CACNB2: variants seen among roughly 807,000 people sequenced by gnomAD.
CACNB2 encodes calcium voltage-gated channel auxiliary subunit beta 2.
In CACNB2, 42 loss-of-function variants were observed where a neutral mutation model predicts 73.3. That is an observed-to-expected ratio of 0.57 (90% CI 0.45 to 0.74). The LOEUF is 0.74. Among genes scored for constraint, CACNB2 ranks in the 30% least tolerant of loss-of-function variants. The pLI, the probability that CACNB2 is intolerant of heterozygous loss-of-function variation, is 0.00. For synonymous variants in CACNB2, 348 were observed against 310.3 expected, an observed-to-expected ratio of 1.12 and a Z score of -1.28; for missense variants, 940 against 853.0, an observed-to-expected ratio of 1.10 and a Z score of -1.27.
chr10:18,217,366 C>A (rs1384860705), intron 2 of CACNB2, among the ~76,000 whole-genome samples: 1 of 152,028 alleles, frequency 6.6e-6, no homozygotes, highest in South Asian at 2.1e-4. Context: ...CGCCTATAGA[C>A]CCAGTAACTC....
chr10:18,183,115 T>C (rs897267615), intron 2 of CACNB2, among the ~76,000 whole-genome samples: 3 of 152,092 alleles, frequency 2.0e-5, no homozygotes, highest in African/African-American at 7.2e-5. Flanking sequence ...ATAGTGGTGG[T>C]AACTTTTCAA....
chr10:18,303,156 C>T (rs2039592865), intron 2 of CACNB2, among the ~76,000 whole-genome samples: 1 of 152,062 alleles, frequency 6.6e-6, no homozygotes, highest in African/African-American at 2.4e-5. Context: ...TTGCTTTTCT[C>T]TCATGGCTGT....
intron 2 of CACNB2, among the ~76,000 whole-genome samples, chr10:18,394,441 A>G (rs2043625338): frequency 6.6e-6 from 1 of 152,224 alleles, no homozygotes; most frequent in Non-Finnish European, 1.5e-5. Flanking sequence ...AGATGCATGT[A>G]GGAATTTGTC....
At chr10:18,459,623 T>C (rs939940438) in intron 3 of CACNB2, among the ~76,000 whole-genome samples, 1 of 152,246 alleles carries the variant, frequency 6.6e-6, no homozygotes, top group Non-Finnish European at 1.5e-5. Context: ...TATTATTATG[T>C]ATCATATTAT....
chr10:18,251,587 A>T (rs1293601664), intron 2 of CACNB2, among the ~76,000 whole-genome samples: 1 of 152,160 alleles, frequency 6.6e-6, no homozygotes, highest in East Asian at 1.9e-4. Flanking sequence ...AACCCACTGT[A>T]TTAGTCCGTT....
intron 3 of CACNB2, among the ~76,000 whole-genome samples, chr10:18,478,850 C>A (rs918065376): frequency 2.0e-5 from 3 of 152,138 alleles, no homozygotes; most frequent in African/African-American, 7.2e-5. Context: ...AACCATTGGT[C>A]TCTTTGGTGC....
At chr10:18,160,647 A>G (rs913695675) in intron 2 of CACNB2, among the ~76,000 whole-genome samples, 20 of 152,204 alleles carry the variant, frequency 1.3e-4, no homozygotes, top group African/African-American at 3.1e-4. Context: ...TAGGAGTACT[A>G]CTGAAGATTA....
In CACNB2 at chr10:18,314,380, G is replaced by C. The variant is rs899755177; in HGVS notation, c.214-87544G>C. Among the ~76,000 whole-genome samples the C allele has an allele frequency of 2.0e-5, 3 of 152,076 alleles. No individual in the cohort carries two copies. The South Asian group carries it at 6.2e-4, about 31-fold the overall frequency. On this transcript the variant is annotated intron_variant, in intron 2 of 13. Coordinates refer to ENST00000324631, the MANE Select transcript of CACNB2 (RefSeq NM_201596.3). ...GGAGATTACAAAGATGTTTGACTCT[G>C]TTCACAACATGGGGAAAATGATTGG...
intron 2 of CACNB2, among the ~76,000 whole-genome samples, chr10:18,153,122 A>G (rs888616857): frequency 3.3e-5 from 5 of 152,230 alleles, no homozygotes; most frequent in Non-Finnish European, 1.5e-5. Flanking sequence ...ATAAGTGATA[A>G]CAAGAGTTGT....
chr10:18,328,391 G>C (rs939329041), intron 2 of CACNB2, among the ~76,000 whole-genome samples: 2 of 152,206 alleles, frequency 1.3e-5, no homozygotes, highest in Non-Finnish European at 2.9e-5. Flanking sequence ...GGCTGAGAAA[G>C]ACTGGTTTAA....
chr10:18,420,443 C>A (rs2045259336), intron 3 of CACNB2, among the ~76,000 whole-genome samples: 1 of 151,912 alleles, frequency 6.6e-6, no homozygotes, highest in African/African-American at 2.4e-5. Context: ...AACTGGGGAC[C>A]CAGGAAGGCT....
At chr10:18,315,004 A>G (rs1449304065) in intron 2 of CACNB2, among the ~76,000 whole-genome samples, 1 of 152,178 alleles carries the variant, frequency 6.6e-6, no homozygotes, top group African/African-American at 2.4e-5. Context: ...AGTAAGTTAG[A>G]TAGACATGTA....
intron 3 of CACNB2, among the ~76,000 whole-genome samples, chr10:18,461,410 T>A (rs2047569152): frequency 6.6e-6 from 1 of 152,160 alleles, no homozygotes. Flanking sequence ...GCATTCTCCC[T>A]TTTCAGTTCC....
intron 2 of CACNB2, chr10:18,260,747 C>T (rs2037498436): frequency 1.0e-6 from 1 of 999,926 alleles, no homozygotes; most frequent in Non-Finnish European, 1.2e-6. Context: ...CAATCATAGG[C>T]GAGCAGCCGC....
In CACNB2 at chr10:18,540,039, A is replaced by G. The variant is rs924036461; in HGVS notation, c.*315A>G. ...ACCCAGGTGATGTTAGTGTTTTAAG[A>G]AATGTAGTTGATGTATCCAACAAGC... On this transcript the variant is annotated 3_prime_UTR_variant, in exon 14 of 14. Transcript: ENST00000324631. 2 of 298,306 alleles carry G rather than the reference A, an allele frequency of 6.7e-6. No individual in the cohort carries two copies. Among genetic ancestry groups the G allele is most frequent in the Non-Finnish European group, 1.3e-5 (2 of 158,072 alleles). 18.5% of individuals were successfully genotyped at this position (298,306 alleles called of 1,614,324 possible).
At chr10:18,391,288 C>A (rs2043457158) in intron 2 of CACNB2, among the ~76,000 whole-genome samples, 1 of 152,166 alleles carries the variant, frequency 6.6e-6, no homozygotes, top group Non-Finnish European at 1.5e-5. Context: ...CATGGAAAGT[C>A]ACATTTCTGT....
intron 2 of CACNB2, among the ~76,000 whole-genome samples, chr10:18,378,552 C>A (rs760070926): frequency 2.0e-5 from 3 of 152,110 alleles, no homozygotes; most frequent in Non-Finnish European, 4.4e-5. Flanking sequence ...AGTTGGAGAC[C>A]AGCCTGAACA....
rs561591848 is a variant in CACNB2 at position 18,172,439 on chromosome 10, G to C, written c.213+21464G>C. ...TTTTCTCTTCTCTTGAATCTTCACT[G>C]TTTCCCTGAGATGCCATTTGATTGT... On this transcript the variant is annotated intron_variant, in intron 2 of 13. Coordinates refer to ENST00000324631, the MANE Select transcript of CACNB2 (RefSeq NM_201596.3). Among the ~76,000 whole-genome samples the C allele has an allele frequency of 6.9e-4, 105 of 152,248 alleles. 2 individuals carry two copies. The South Asian group carries it at 0.021, about 31-fold the overall frequency.
intron 3 of CACNB2, among the ~76,000 whole-genome samples, chr10:18,421,417 C>G (rs900954138): frequency 1.3e-5 from 2 of 151,954 alleles, no homozygotes; most frequent in Non-Finnish European, 2.9e-5. Flanking sequence ...CTGGCCTCAG[C>G]CTCCGGAGTA....
Sources: allele counts gnomAD v4.1 joint callset (sites outside exome capture counted in the v4.1 genomes callset), GRCh38; gene constraint gnomAD v4.1.1; transcripts MANE v1.5; gene names NCBI Gene and HGNC (gene_info 2026-07-23, HGNC 2026-07-21).